The following ELF1 variants were observed in gnomAD, a reference collection of about 807,000 sequenced individuals.
ELF1 encodes ETS-related transcription factor Elf-1.
A neutral mutation model predicts 59.9 loss-of-function variants in ELF1; 24 were observed. The ratio of observed to expected loss-of-function variants is 0.40; its 90% CI spans 0.29 to 0.56. The LOEUF (loss-of-function observed/expected upper bound fraction) is 0.56. Ranked by LOEUF, ELF1 falls within the 20% of genes least tolerant of loss-of-function variation. ELF1 has a pLI of 0.44. For missense variants in ELF1, 627 were observed against 742.2 expected, an observed-to-expected ratio of 0.84 and a Z score of 1.80; for synonymous variants, 248 against 266.2, an observed-to-expected ratio of 0.93 and a Z score of 0.67.
chr13:41,019,290 T>C lies in ELF1; in HGVS notation c.-291A>G. ...AAATAAAAAGCAATCCGACAAGTTT[T>C]AGCTGTTAAAATGGCTCCTGTAGAT... On this transcript the variant is annotated 5_prime_UTR_variant, in exon 1 of 9. Coordinates refer to ENST00000239882, the MANE Select transcript of ELF1 (RefSeq NM_172373.4). The C allele has an allele frequency of 1.0e-6, 1 of 985,458 alleles. No individual in the cohort carries two copies. Among genetic ancestry groups the C allele is most frequent in the East Asian group, 1.1e-4 (1 of 8,812 alleles). 61.0% of individuals were successfully genotyped at this position (985,458 alleles called of 1,614,324 possible).
At chr13:41,013,070 C>T (rs975703438) in intron 1 of ELF1, among the ~76,000 whole-genome samples, 17 of 152,192 alleles carry the variant, frequency 1.1e-4, no homozygotes, top group African/African-American at 3.6e-4. Flanking sequence ...TTGTTGTCTA[C>T]AGCTTACCCT....
intron 1 of ELF1, among the ~76,000 whole-genome samples, chr13:40,984,223 C>T (rs79701201): frequency 0.029 from 4,463 of 152,210 alleles, 104 homozygotes; most frequent in Middle Eastern, 0.058. Flanking sequence ...ACCTGTGTGC[C>T]CACAGTGATG....
At chr13:41,055,433 A>G (rs1877248198) in intron 1 of ELF1, among the ~76,000 whole-genome samples, 2 of 151,362 alleles carry the variant, frequency 1.3e-5, no homozygotes, top group African/African-American at 4.9e-5. Flanking sequence ...TTCAAAGCTT[A>G]TCTCGAATGC....
Position 40,961,558 on chromosome 13 carries a change from G to A in ELF1, c.73-2542C>T, listed in dbSNP as rs150237002. On this transcript the variant is annotated intron_variant, in intron 2 of 8. Coordinates refer to ENST00000239882, the MANE Select transcript of ELF1 (RefSeq NM_172373.4). ...AGCCTGGGCAACACAGCAAAACCCT[G>A]TCACTGAAAAAAAAAGAAAGAAAAA... Among the ~76,000 whole-genome samples the A allele has an allele frequency of 5.3e-3, 811 of 151,714 alleles. 10 individuals are homozygous for A. Among genetic ancestry groups the A allele is most frequent in the African/African-American group, 0.019 (780 of 41,306 alleles).
At chr13:40,941,420 T>C (rs762527612) in intron 7 of ELF1, 50 bp from the exon 8 acceptor site, 33 of 1,471,488 alleles carry the variant, frequency 2.2e-5, no homozygotes, top group Non-Finnish European at 1.0e-5. Flanking sequence ...AATTAAAATA[T>C]TCAACAAAAT....
chr13:40,962,360 G>GA (rs1309352697), intron 2 of ELF1, among the ~76,000 whole-genome samples: 1 of 152,120 alleles, frequency 6.6e-6, no homozygotes. Flanking sequence ...TATTAAGAAT[G>GA]AAAAGTAGTT....
intron 1 of ELF1, among the ~76,000 whole-genome samples, chr13:40,987,298 A>G (rs1012189661): frequency 6.7e-6 from 1 of 148,156 alleles, no homozygotes; most frequent in Non-Finnish European, 1.5e-5. Flanking sequence ...AAATTAATAA[A>G]TAGTCCGGTG....
Position 40,933,727 on chromosome 13 carries a change from C to A in ELF1, c.1558G>T (p.Val520Phe). The part of the protein sequence containing the change: ...SNVQTICNGT[V>F]SVASSPSFSA... ...AAGGATGGAGAGGAAGCCACACTGACGGTTCCATTGCAAATGGTCTGAACA... is the reference window on the plus strand; with the variant it reads ...AAGGATGGAGAGGAAGCCACACTGAAGGTTCCATTGCAAATGGTCTGAACA... Residue 520 changes from valine (V) to phenylalanine (F), a missense_variant, in exon 9 of 9, where the codon GTC becomes TTC. Coordinates refer to ENST00000239882, the MANE Select transcript of ELF1 (RefSeq NM_172373.4). 11 of 1,614,268 alleles carry A rather than the reference C, an allele frequency of 6.8e-6. No homozygotes were observed. The highest frequency in any genetic ancestry group is 9.3e-6 in the Non-Finnish European group (11 of 1,180,050).
chr13:40,974,610 A>C (rs1872791189), intron 2 of ELF1, among the ~76,000 whole-genome samples: 1 of 152,186 alleles, frequency 6.6e-6, no homozygotes, highest in Non-Finnish European at 1.5e-5. Context: ...TTCACCACTG[A>C]AAGTTTCTGA....
chr13:40,961,399 T>A (rs568926019), intron 2 of ELF1, among the ~76,000 whole-genome samples: 9 of 152,064 alleles, frequency 5.9e-5, no homozygotes, highest in Non-Finnish European at 1.3e-4. Flanking sequence ...AAAATTATAC[T>A]ATAGAAGCCA....
upstream of ELF1, among the ~76,000 whole-genome samples, chr13:41,021,372 G>A (rs926211048): frequency 1.3e-5 from 2 of 152,302 alleles, no homozygotes; most frequent in African/African-American, 4.8e-5. Context: ...GATGACTCCA[G>A]AGCTGCCATT....
At chr13:41,022,738 G>A (rs1025774483), upstream of ELF1, among the ~76,000 whole-genome samples, 4 of 152,120 alleles carry the variant, frequency 2.6e-5, no homozygotes, top group Non-Finnish European at 2.9e-5. Context: ...TATTAGCCAG[G>A]TGTGGTGGCA....
Position 40,932,017 on chromosome 13 carries a change from A to C in ELF1, c.*1408T>G, listed in dbSNP as rs1387520809. 1 of 152,240 alleles carries C rather than the reference A, an allele frequency of 6.6e-6. No homozygotes were observed. The highest frequency in any genetic ancestry group is 2.4e-5 in the African/African-American group (1 of 41,464). The allele number at this position is 152,240 out of a possible 1,614,324, so 9.4% of individuals were successfully genotyped here. Reference sequence around the variant, plus strand: ...TTATTCTTTAAGAAACTTTTGCCTGAAAACAGACACTGAGAATTTTTATAT... The same window carrying C: ...TTATTCTTTAAGAAACTTTTGCCTGCAAACAGACACTGAGAATTTTTATAT... On this transcript the variant is annotated 3_prime_UTR_variant, in exon 9 of 9. Transcript: ENST00000239882.
At chr13:41,059,070 A>G (rs1877394030) in intron 1 of ELF1, among the ~76,000 whole-genome samples, 1 of 152,276 alleles carries the variant, frequency 6.6e-6, no homozygotes, top group South Asian at 2.1e-4. Context: ...CAAATTTTCA[A>G]CTACTGTAAT....
At chr13:41,004,208 T>C (rs977802129) in intron 1 of ELF1, among the ~76,000 whole-genome samples, 4 of 151,804 alleles carry the variant, frequency 2.6e-5, no homozygotes, top group Admixed American at 2.6e-4. Context: ...AATAAACAAG[T>C]CAACCAAAAG....
chr13:40,987,781 G>A (rs2138291745), intron 1 of ELF1, among the ~76,000 whole-genome samples: 1 of 152,150 alleles, frequency 6.6e-6, no homozygotes, highest in Admixed American at 6.5e-5. Context: ...TTGTAGGTTG[G>A]CAGTATCTAA....
rs191690913 is a variant in ELF1, at chr13:40,934,349, A to G, written c.1257-321T>C. On this transcript the variant is annotated intron_variant, in intron 8 of 8. Transcript: ENST00000239882. ...GAAGGAGGAGGATGTTAAAATGCTT[A>G]GCAAGAAGTTTGCATGAGCTTCTTA... Among the ~76,000 whole-genome samples the G allele has an allele frequency of 1.3e-4, 20 of 151,182 alleles. No individual in the cohort carries two copies. The East Asian group carries it at 3.9e-3, about 29-fold the overall frequency.
chr13:41,043,083 T>C (rs1876690726), intron 1 of ELF1, among the ~76,000 whole-genome samples: 1 of 152,232 alleles, frequency 6.6e-6, no homozygotes, highest in Admixed American at 6.5e-5. Flanking sequence ...CATGTATCTG[T>C]TGGCTGCAAA....
chr13:40,956,668 C>T (rs962159211), intron 3 of ELF1, among the ~76,000 whole-genome samples: 5 of 148,584 alleles, frequency 3.4e-5, no homozygotes, highest in African/African-American at 4.9e-5. Context: ...AGGTTTACAT[C>T]GTCTCTATTA....
Sources: allele counts gnomAD v4.1 joint callset (sites outside exome capture counted in the v4.1 genomes callset), GRCh38; gene constraint gnomAD v4.1.1; transcripts MANE v1.5; gene names NCBI Gene and HGNC (gene_info 2026-07-23, HGNC 2026-07-21).